Variants in KIF2C observed in about 807,000 individuals in gnomAD.
KIF2C encodes the protein kinesin family member 2C, also known as kinesin-like protein KIF2C.
A neutral mutation model predicts 97.4 loss-of-function variants in KIF2C; 34 were observed. The observed-to-expected ratio is 0.35, with a 90% CI of 0.27 to 0.46. KIF2C has a LOEUF of 0.46. Ranked by LOEUF, KIF2C falls within the 20% of genes least tolerant of loss-of-function variation. The pLI, the probability that KIF2C is intolerant of heterozygous loss-of-function variation, is 1.00. For missense variants in KIF2C, 750 were observed against 907.6 expected (o/e 0.83, Z 2.23); for synonymous variants, 313 against 318.2 (o/e 0.98, Z 0.17).
Position 44,767,624 on chromosome 1 carries a change from A to T in KIF2C, c.*445A>T, listed in dbSNP as rs901045167. On this transcript the variant is annotated 3_prime_UTR_variant, in exon 21 of 21. Transcript: ENST00000372224. ...CCGAGCACTGAATGTCTTGTACTTT[A>T]AAAAAATGTTTCTGAGACCTCTTTC... The T allele has an allele frequency of 6.2e-6, 1 of 161,978 alleles. No homozygotes were observed. Among genetic ancestry groups the T allele is most frequent in the Non-Finnish European group, 1.4e-5 (1 of 73,156 alleles). The allele number at this position is 161,978 out of a possible 1,614,324, so 10.0% of individuals were successfully genotyped here. A position where few individuals can be genotyped will look rare whatever the true frequency, so the allele number is the denominator to read the frequency against.
intron 13 of KIF2C, 88 bp from the exon 14 acceptor site, chr1:44,759,118 C>A: frequency 6.5e-7 from 1 of 1,545,204 alleles, no homozygotes; most frequent in Non-Finnish European, 8.9e-7. Context: ...TGGCTCTTGT[C>A]CGAGCTGGGC....
At chr1:44,750,321 T>C in intron 4 of KIF2C, 121 bp from the exon 5 acceptor site, 1 of 1,078,544 alleles carries the variant, frequency 9.3e-7, no homozygotes, top group Non-Finnish European at 1.2e-6. Flanking sequence ...ATATGGGAAG[T>C]TGGCGAGCCC....
At chr1:44,752,064 C>T (rs905818615) in intron 5 of KIF2C, among the ~76,000 whole-genome samples, 9 of 151,686 alleles carry the variant, frequency 5.9e-5, no homozygotes, top group Non-Finnish European at 1.3e-4. Context: ...TCGTGATCCA[C>T]CCACCTCGGC....
rs1290069681 is a variant in KIF2C, at chr1:44,756,070, T to C, written c.815-5T>C. On this transcript the variant is annotated splice_region_variant and splice_polypyrimidine_tract_variant and intron_variant, in intron 9 of 20. Coordinates refer to ENST00000372224, the MANE Select transcript of KIF2C (RefSeq NM_006845.4). ...AGCACCCCCTGAAATACTCTCCTTC[T>C]GCAGAATTGGCCAAGAAAGAAATTG... 6 of 1,614,226 alleles carry C rather than the reference T, an allele frequency of 3.7e-6. No homozygotes were observed. Among genetic ancestry groups the C allele is most frequent in the Non-Finnish European group, 4.2e-6 (5 of 1,180,034 alleles).
rs1272341731 is a variant in KIF2C, at chr1:44,750,522, C to T, written c.397C>T (p.Leu133=). The change falls in exon 5 of 21, where the codon CTG becomes TTG. Residue 133 remains leucine (L), a synonymous_variant. Coordinates refer to ENST00000372224, the MANE Select transcript of KIF2C (RefSeq NM_006845.4). ...TCAGGAGAATGACATGGAGGTGGAG[C>T]TGCCTGCAGCTGCAAACTCCCGCAA... The part of the protein sequence containing the change: ...TAQENDMEVE[L]PAAANSRKQF... 4 of 1,585,378 alleles carry T rather than the reference C, an allele frequency of 2.5e-6. No individual in the cohort carries two copies. The East Asian group carries it at 9.2e-5, about 37-fold the overall frequency.
rs774102506 is a variant in KIF2C at position 44,762,317 on chromosome 1, T to TG, written c.1752-26dup. 5 of 1,573,972 alleles carry TG rather than the reference T, an allele frequency of 3.2e-6. No individual in the cohort carries two copies. In the East Asian group the frequency reaches 1.1e-4, roughly 35 times the overall value. The stretch of plus-strand genomic sequence containing the variant: ...TCTGGTGAGTACCAAGGGGGTGCTG[T>TG]GGGATCTGAGACCTCCTTGTTTCCT... On this transcript the variant is annotated intron_variant, in intron 17 of 20. Coordinates refer to ENST00000372224, the MANE Select transcript of KIF2C (RefSeq NM_006845.4).
Position 44,757,610 on chromosome 1 carries a change from T to C in KIF2C, c.1032T>C (p.Cys344=). 1 of 1,613,848 alleles carries C rather than the reference T, an allele frequency of 6.2e-7. No individual in the cohort carries two copies. Among genetic ancestry groups the C allele is most frequent in the Non-Finnish European group, 8.5e-7 (1 of 1,179,752 alleles). ...QTIFEGGKAT[C]FAYGQTGSGK... is the part of the protein sequence containing the mutation. ...TCTTTGAAGGTGGAAAAGCAACTTG[T>C]TTTGCATATGGCCAGACAGGAAGTG... Residue 344 remains cysteine (C), a synonymous_variant, in exon 11 of 21, where the codon TGT becomes TGC. Transcript: ENST00000372224.
At chr1:44,747,120 C>T (rs1004258186) in intron 2 of KIF2C, among the ~76,000 whole-genome samples, 7 of 151,918 alleles carry the variant, frequency 4.6e-5, no homozygotes, top group Admixed American at 1.3e-4. Context: ...CCATCCTGGC[C>T]AACATGGTGA....
In KIF2C at chr1:44,767,385, G is replaced by A. The variant is rs574101499; in HGVS notation, c.*206G>A. 59 of 509,428 alleles carry A rather than the reference G, an allele frequency of 1.2e-4. No individual in the cohort carries two copies. The East Asian group carries it at 1.6e-3, about 14-fold the overall frequency. The allele number at this position is 509,428 out of a possible 1,614,324, so 31.6% of individuals were successfully genotyped here. On this transcript the variant is annotated 3_prime_UTR_variant, in exon 21 of 21. Transcript: ENST00000372224. Reference sequence around the variant, plus strand: ...ACTCCTTTTCTGTTCCTCAGTTGTCGCCCTCACGAGAGGAAGGAGCTCTTA... The same window carrying A: ...ACTCCTTTTCTGTTCCTCAGTTGTCACCCTCACGAGAGGAAGGAGCTCTTA...
rs1298347704 is a variant in KIF2C at position 44,767,374 on chromosome 1, C to T, written c.*195C>T. The stretch of plus-strand genomic sequence containing the variant: ...TGACATGGGACACTCCTTTTCTGTT[C>T]CTCAGTTGTCGCCCTCACGAGAGGA... On this transcript the variant is annotated 3_prime_UTR_variant, in exon 21 of 21. Coordinates refer to ENST00000372224, the MANE Select transcript of KIF2C (RefSeq NM_006845.4). 7 of 533,430 alleles carry T rather than the reference C, an allele frequency of 1.3e-5. No individual in the cohort carries two copies. The highest frequency in any genetic ancestry group is 3.2e-5 in the Admixed American group (1 of 31,248). The allele number at this position is 533,430 out of a possible 1,614,324, so 33.0% of individuals were successfully genotyped here. A position where few individuals can be genotyped will look rare whatever the true frequency, so the allele number is the denominator to read the frequency against.
At chr1:44,745,937 C>T (rs1435385389) in intron 2 of KIF2C, among the ~76,000 whole-genome samples, 1 of 151,846 alleles carries the variant, frequency 6.6e-6, no homozygotes, top group Non-Finnish European at 1.5e-5. Context: ...AGTGCAGTGG[C>T]GGGATCTCGG....
chr1:44,751,039 G>C (rs1233962057), intron 5 of KIF2C, among the ~76,000 whole-genome samples: 1 of 152,112 alleles, frequency 6.6e-6, no homozygotes, highest in Non-Finnish European at 1.5e-5. Context: ...TTCATAAACA[G>C]AACACACTCA....
Position 44,762,405 on chromosome 1 carries a change from C to T in KIF2C, c.1811C>T (p.Thr604Ile). 2 of 1,614,146 alleles carry T rather than the reference C, an allele frequency of 1.2e-6. No homozygotes were observed. Among genetic ancestry groups the T allele is most frequent in the South Asian group, 1.1e-5 (1 of 91,082 alleles). ...PSGEQLIQME[T>I]EEMEACSNGA... ...GGAGAGCAGTTGATTCAAATGGAAA[C>T]AGAAGAGATGGAAGCCTGCTCTAAC... Residue 604 changes from threonine to isoleucine, a missense_variant, in exon 18 of 21, where the codon ACA (threonine) becomes ATA (isoleucine). Coordinates refer to ENST00000372224, the MANE Select transcript of KIF2C (RefSeq NM_006845.4).
In KIF2C at chr1:44,760,928, G is replaced by A. The variant is rs2148832622; in HGVS notation, c.1683+226G>A. The A allele has an allele frequency of 1.9e-6, 1 of 517,894 alleles. No homozygotes were observed. The highest frequency in any genetic ancestry group is 3.4e-5 in the East Asian group (1 of 29,464). 32.1% of individuals were successfully genotyped at this position (517,894 alleles called of 1,614,324 possible). A position where few individuals can be genotyped will look rare whatever the true frequency, so the allele number is the denominator to read the frequency against. On this transcript the variant is annotated intron_variant, in intron 16 of 20. Transcript: ENST00000372224. This position sits in a 1 kb window ranked among gnomAD's most constrained non-coding sequence, Gnocchi z 4.2. ...ATTCCCTTTAAGATGTGTAGGTGCA[G>A]CTCTTGGTTTGGGAGAGGTCATTCC...
chr1:44,750,249 T>C (rs1302328290), intron 4 of KIF2C, 193 bp from the exon 5 acceptor site: 2 of 474,838 alleles, frequency 4.2e-6, no homozygotes, highest in Non-Finnish European at 7.0e-6. Flanking sequence ...ATTTGCACAA[T>C]GTGGACAAAG....
chr1:44,742,146 G>A (rs1033549323), intron 2 of KIF2C, among the ~76,000 whole-genome samples: 1 of 151,752 alleles, frequency 6.6e-6, no homozygotes, highest in African/African-American at 2.4e-5. Flanking sequence ...GTCTCACTCT[G>A]TCACCCAGGC....
rs2148827165 is a variant in KIF2C, at chr1:44,753,820, T to A, written c.650T>A (p.Met217Lys). The change falls in exon 7 of 21, where the codon ATG becomes AAG. Residue 217 changes from methionine to lysine, a missense_variant. Met to Lys is a moderately conservative substitution (Grantham distance 95). Transcript: ENST00000372224. ...EKKAQNSEMRMKRAQEYDSSF... is the reference protein window; with the variant it reads ...EKKAQNSEMRKKRAQEYDSSF... ...AAGGCCCAGAACTCTGAAATGAGAATGAAGAGAGCTCAGGTACCTTTCTTG... is the reference window on the plus strand; with the variant it reads ...AAGGCCCAGAACTCTGAAATGAGAAAGAAGAGAGCTCAGGTACCTTTCTTG... The A allele has an allele frequency of 6.2e-7, 1 of 1,606,658 alleles. No homozygotes were observed.
intron 5 of KIF2C, 83 bp from the exon 6 acceptor site, chr1:44,753,049 G>A: frequency 6.6e-6 from 10 of 1,518,044 alleles, no homozygotes; most frequent in Non-Finnish European, 8.0e-6. Context: ...TCGCTCTCCC[G>A]GCCCATAACC....
At chr1:44,746,270 AAT>A in intron 2 of KIF2C, 2 of 679,900 alleles carry the variant, frequency 2.9e-6, no homozygotes, top group Non-Finnish European at 3.6e-6. Flanking sequence ...GGACAAATTT[AAT>A]ATGTCTGAAC....
Sources: gnomAD v4.1 joint callset for allele counts (sites outside exome capture counted in the v4.1 genomes callset) on GRCh38, gnomAD v4.1.1 for gene constraint, Gnocchi (gnomAD v3.1) non-coding constraint, MANE v1.5 for transcripts, NCBI Gene and HGNC (gene_info 2026-07-23, HGNC 2026-07-21) for gene names.